Variants in SLC9A9 observed in about 807,000 individuals in gnomAD.
The protein encoded by SLC9A9 is sodium/hydrogen exchanger 9.
Under a neutral mutation model 77.8 loss-of-function variants are expected in SLC9A9, and 62 were observed. The ratio of observed to expected loss-of-function variants is 0.80; its 90% confidence interval spans 0.65 to 0.98. The LOEUF (loss-of-function observed/expected upper bound fraction) is 0.98, where lower values mean the gene tolerates loss of function less well. SLC9A9 is among the 50% of genes least tolerant of loss of function. SLC9A9 has a pLI of 0.00. For missense variants in SLC9A9, 775 were observed against 774.9 expected (o/e 1.00, Z 0.00); for synonymous variants, 320 against 283.5 (o/e 1.13, Z -1.29).
chr3:143,803,738 T>A (rs2008632074), intron 2 of SLC9A9, among the ~76,000 whole-genome samples: 1 of 152,154 alleles, frequency 6.6e-6, no homozygotes, highest in African/African-American at 2.4e-5. Context: ...CCATTTCTAA[T>A]CCCTCCTTAG....
chr3:143,840,295 T>A (rs1391171167), intron 1 of SLC9A9, among the ~76,000 whole-genome samples: 1 of 152,044 alleles, frequency 6.6e-6, no homozygotes, highest in African/African-American at 2.4e-5. Context: ...ACCCATACCA[T>A]CTTGGGCTCA....
chr3:143,810,743 T>A (rs2008843126), intron 2 of SLC9A9, among the ~76,000 whole-genome samples: 1 of 152,220 alleles, frequency 6.6e-6, no homozygotes, highest in Non-Finnish European at 1.5e-5. Context: ...TGGTTAACAA[T>A]AATGTGTTAA....
At chr3:143,729,573 A>G (rs1321991931) in intron 4 of SLC9A9, among the ~76,000 whole-genome samples, 1 of 152,148 alleles carries the variant, frequency 6.6e-6, no homozygotes, top group East Asian at 1.9e-4. Flanking sequence ...CTGGGCATAC[A>G]GGAGACAAAG....
At chr3:143,360,720 A>T (rs2032727215) in intron 14 of SLC9A9, among the ~76,000 whole-genome samples, 1 of 152,202 alleles carries the variant, frequency 6.6e-6, no homozygotes, top group African/African-American at 2.4e-5. Flanking sequence ...ATTGATAACA[A>T]TGGTAAATTA....
intron 14 of SLC9A9, among the ~76,000 whole-genome samples, chr3:143,291,899 G>A (rs1186066378): frequency 2.0e-5 from 3 of 152,226 alleles, no homozygotes; most frequent in South Asian, 2.1e-4. Context: ...AAATTTTGCA[G>A]CTGAGCCAAT....
Position 143,382,093 on chromosome 3 carries a change from T to G in SLC9A9, c.1491A>C (p.Glu497Asp), listed in dbSNP as rs551165273. The change falls in exon 13 of 16, where the codon GAA (glutamate) becomes GAC (aspartate). Residue 497 changes from glutamate (E) to aspartate (D), a missense_variant. Physicochemically the swap from Glu to Asp is conservative, Grantham distance 45. Coordinates refer to ENST00000316549, the MANE Select transcript of SLC9A9 (RefSeq NM_173653.4). ...GTGAGGAGGGGTCCTCCTTCAGATT[T>G]TCATCCAGGTCCACGCCAACTCTGT... ...LQIRVGVDLD[E>D]NLKEDPSSQH... 23 of 1,614,122 alleles carry G rather than the reference T, an allele frequency of 1.4e-5. No homozygotes were observed. In the South Asian group the frequency reaches 2.5e-4, roughly 18 times the overall value.
At chr3:143,541,295 T>G (rs1215486541) in intron 9 of SLC9A9, among the ~76,000 whole-genome samples, 1 of 152,146 alleles carries the variant, frequency 6.6e-6, no homozygotes. Flanking sequence ...AGCAGCCCGA[T>G]GGAGGACACA....
chr3:143,415,994 C>T (rs2108523662), intron 12 of SLC9A9, among the ~76,000 whole-genome samples: 1 of 152,260 alleles, frequency 6.6e-6, no homozygotes, highest in African/African-American at 2.4e-5. Flanking sequence ...TCATGGATGA[C>T]TCCTGGAGGG....
chr3:143,618,165 T>A (rs1308180984), intron 6 of SLC9A9, among the ~76,000 whole-genome samples: 1 of 152,184 alleles, frequency 6.6e-6, no homozygotes, highest in African/African-American at 2.4e-5. Context: ...AAAGCATTAA[T>A]ATAGACCATT....
intron 14 of SLC9A9, among the ~76,000 whole-genome samples, chr3:143,340,025 T>C (rs1033580918): frequency 1.3e-5 from 2 of 152,180 alleles, no homozygotes; most frequent in Admixed American, 6.5e-5. Flanking sequence ...ACGAGAACTT[T>C]TTGCATCGTG....
intron 1 of SLC9A9, among the ~76,000 whole-genome samples, chr3:143,839,165 T>C (rs1468127354): frequency 6.6e-6 from 1 of 152,088 alleles, no homozygotes; most frequent in African/African-American, 2.4e-5. Flanking sequence ...CACCAACCTT[T>C]TAAATTAAAA....
chr3:143,313,714 C>T (rs2031103416), intron 14 of SLC9A9, among the ~76,000 whole-genome samples: 1 of 152,212 alleles, frequency 6.6e-6, no homozygotes. Context: ...CTTTGGAAAA[C>T]ACTCAGGTCT....
intron 5 of SLC9A9, among the ~76,000 whole-genome samples, chr3:143,658,106 A>T (rs1234833933): frequency 1.3e-5 from 2 of 152,156 alleles, no homozygotes; most frequent in Non-Finnish European, 2.9e-5. Context: ...ACCTCAAGGG[A>T]TCTGCCCGCC....
intron 9 of SLC9A9, chr3:143,503,359 G>A (rs1485998216): frequency 3.3e-6 from 1 of 306,640 alleles, no homozygotes; most frequent in Non-Finnish European, 6.4e-6. Flanking sequence ...GCTTAACAAA[G>A]TGGTCATTGA....
chr3:143,454,125 T>C (rs147023256), intron 12 of SLC9A9, among the ~76,000 whole-genome samples: 1 of 152,298 alleles, frequency 6.6e-6, no homozygotes, highest in East Asian at 1.9e-4. Context: ...ATTTCTGTTC[T>C]TCGTAAGTTT....
intron 12 of SLC9A9, 32 bp from the exon 13 acceptor site, chr3:143,382,146 CCTGCTGCAGAAGGAATGAGA>C: frequency 6.2e-7 from 1 of 1,612,936 alleles, no homozygotes; most frequent in South Asian, 1.1e-5. Flanking sequence ...TGGTCAATCC[CCTGCTGCAGAAGGAATGAGA>C]CAGTCTTGTG....
At chr3:143,277,178 C>G (rs189550148) in intron 14 of SLC9A9, among the ~76,000 whole-genome samples, 21 of 152,216 alleles carry the variant, frequency 1.4e-4, no homozygotes, top group African/African-American at 4.3e-4. Context: ...CAGATGGACA[C>G]AAGATAAACA....
At chr3:143,546,029 A>G (rs1201438630) in intron 9 of SLC9A9, among the ~76,000 whole-genome samples, 22 of 152,232 alleles carry the variant, frequency 1.4e-4, no homozygotes, top group Non-Finnish European at 1.5e-5. Context: ...AGATGGAAAA[A>G]GTAAAGCTCA....
At chr3:143,526,837 T>C (rs974975034) in intron 9 of SLC9A9, among the ~76,000 whole-genome samples, 3 of 152,186 alleles carry the variant, frequency 2.0e-5, no homozygotes, top group Non-Finnish European at 4.4e-5. Flanking sequence ...TTAGCAAGCA[T>C]AAAAGGAAGT....
Sources: gnomAD v4.1 joint callset for allele counts (sites outside exome capture counted in the v4.1 genomes callset) on GRCh38, gnomAD v4.1.1 for gene constraint, MANE v1.5 for transcripts, NCBI Gene and HGNC (gene_info 2026-07-23, HGNC 2026-07-21) for gene names.